WDTC1: variants seen among roughly 807,000 people sequenced by gnomAD.
WDTC1 encodes the protein WD and tetratricopeptide repeats 1.
In WDTC1, 12 loss-of-function variants were observed where a neutral mutation model predicts 76.0. The observed-to-expected ratio is 0.16, with a 90% CI of 0.10 to 0.26. The LOEUF is 0.26. Among genes scored for constraint, WDTC1 ranks in the 10% least tolerant of loss-of-function variants. The pLI is 1.00. For synonymous variants in WDTC1, 326 were observed against 350.8 expected, an observed-to-expected ratio of 0.93 and a Z score of 0.79; for missense variants, 511 against 908.8, an observed-to-expected ratio of 0.56 and a Z score of 5.63.
chr1:27,267,486 C>T (rs1278369708), intron 3 of WDTC1, among the ~76,000 whole-genome samples: 1 of 152,106 alleles, frequency 6.6e-6, no homozygotes, highest in Non-Finnish European at 1.5e-5. Flanking sequence ...TCAAGTGATC[C>T]ACTCACCTTA....
chr1:27,247,388 G>A (rs1170451169), intron 1 of WDTC1, among the ~76,000 whole-genome samples: 1 of 151,972 alleles, frequency 6.6e-6, no homozygotes, highest in Non-Finnish European at 1.5e-5. Context: ...GTAAACTCAT[G>A]TCATGGTGGT....
intron 10 of WDTC1, 55 bp downstream of exon 10, chr1:27,296,456 A>C (rs952202627): frequency 3.1e-5 from 49 of 1,573,478 alleles, no homozygotes; most frequent in Non-Finnish European, 3.8e-5. Flanking sequence ...GCTTAAGTGC[A>C]TGCTACACCT....
At chr1:27,266,632 A>C (rs891667781) in intron 3 of WDTC1, among the ~76,000 whole-genome samples, 4 of 152,234 alleles carry the variant, frequency 2.6e-5, no homozygotes, top group African/African-American at 9.6e-5. Flanking sequence ...GCCAGTCCCA[A>C]GATGGTGATT....
At chr1:27,304,100 C>G (rs971443165) in intron 14 of WDTC1, 4 of 333,298 alleles carry the variant, frequency 1.2e-5, no homozygotes, top group Non-Finnish European at 2.2e-5. Context: ...TGTGCCAGAG[C>G]TTGGTTTCTT....
intron 12 of WDTC1, among the ~76,000 whole-genome samples, chr1:27,300,709 G>T (rs868367028): frequency 5.3e-5 from 8 of 152,128 alleles, no homozygotes; most frequent in Admixed American, 1.3e-4. Flanking sequence ...GACAGGGGGG[G>T]GTCTGGCTGA....
At chr1:27,235,435 T>TGTCC (rs1553127179) in intron 1 of WDTC1, among the ~76,000 whole-genome samples, 2 of 134,892 alleles carry the variant, frequency 1.5e-5, no homozygotes, top group African/African-American at 5.5e-5. Context: ...TGTGTGTGTG[T>TGTCC]GTCCACAGCA....
chr1:27,241,048 A>G (rs1418378899), intron 1 of WDTC1, among the ~76,000 whole-genome samples: 1 of 151,998 alleles, frequency 6.6e-6, no homozygotes, highest in Non-Finnish European at 1.5e-5. Flanking sequence ...TATAGGAGGC[A>G]GTGTCAGAGG....
Position 27,306,547 on chromosome 1 carries a change from G to A in WDTC1, c.*164G>A. The A allele has an allele frequency of 1.1e-6, 1 of 885,442 alleles. No homozygotes were observed. Among genetic ancestry groups the A allele is most frequent in the Non-Finnish European group, 1.7e-6 (1 of 597,642 alleles). The allele number at this position is 885,442 out of a possible 1,614,324, so 54.8% of individuals were successfully genotyped here. A position where few individuals can be genotyped will look rare whatever the true frequency, so the allele number is the denominator to read the frequency against. ...TTAGGGGTGGAGGTTGCTACAACTT[G>A]CTGGCTTTCGGACTCTGGGCTGATT... On this transcript the variant is annotated 3_prime_UTR_variant, in exon 16 of 16. Coordinates refer to ENST00000319394, the MANE Select transcript of WDTC1 (RefSeq NM_001276252.2). The surrounding 1 kb of genome is among the most constrained non-coding windows in gnomAD (Gnocchi z 5.0).
rs192219206 is a variant in WDTC1, at chr1:27,246,517, C to G, written c.-100+11566C>G. Among the ~76,000 whole-genome samples, 214 of 151,770 alleles carry G rather than the reference C, an allele frequency of 1.4e-3. 2 individuals carry two copies. Among genetic ancestry groups the G allele is most frequent in the African/African-American group, 5.1e-3 (210 of 41,426 alleles). On this transcript the variant is annotated intron_variant, in intron 1 of 15. Transcript: ENST00000319394. ...CTAATTTGGGCTATTATGAATAATG[C>G]TGCTCTGAGTATTCATGTACAGCTT...
intron 1 of WDTC1, among the ~76,000 whole-genome samples, chr1:27,258,240 A>G (rs2012348600): frequency 6.6e-6 from 1 of 151,666 alleles, no homozygotes; most frequent in African/African-American, 2.4e-5. Flanking sequence ...TCAATTACAA[A>G]AAAAAAAAAT....
intron 1 of WDTC1, among the ~76,000 whole-genome samples, chr1:27,246,568 CT>C (rs200841889): frequency 0.021 from 2,966 of 143,792 alleles, 28 homozygotes; most frequent in East Asian, 0.026. Flanking sequence ...GTTTTCTTTC[CT>C]TTTTTTTTTT....
At chr1:27,296,539 T>C (rs2013690029) in intron 10 of WDTC1, 138 bp downstream of exon 10, 4 of 859,048 alleles carry the variant, frequency 4.7e-6, no homozygotes, top group East Asian at 2.5e-5. Context: ...ACCCCACCTA[T>C]GCAGTAAGAA....
rs2013957775 is a variant in WDTC1 at position 27,306,438 on chromosome 1, CAGG to C, written c.*59_*61del. The C allele has an allele frequency of 2.6e-6, 4 of 1,567,444 alleles. No individual in the cohort carries two copies. In the South Asian group the frequency reaches 4.5e-5, roughly 18 times the overall value. ...TACTGGCTGGACCCTCTGCCCTGGG[CAGG>C]AGGTCAGGGGATTCTGTTTTGGTTT... On this transcript the variant is annotated 3_prime_UTR_variant, in exon 16 of 16. Coordinates refer to ENST00000319394, the MANE Select transcript of WDTC1 (RefSeq NM_001276252.2). This position sits in a 1 kb window ranked among gnomAD's most constrained non-coding sequence, Gnocchi z 5.0.
At position 27,304,886 on chromosome 1, in the gene WDTC1, G is replaced by A. The variant is rs77547048; in HGVS notation, c.1644-115G>A. On this transcript the variant is annotated intron_variant, in intron 14 of 15. Coordinates refer to ENST00000319394, the MANE Select transcript of WDTC1 (RefSeq NM_001276252.2). The stretch of plus-strand genomic sequence containing the variant: ...GTCAAGTGCACACCCCAGCGTGTGG[G>A]GGACTGAGTGGCTGCAGACTTCCTT... The A allele has an allele frequency of 3.8e-4, 400 of 1,061,886 alleles. 3 individuals are homozygous for A. In the African/African-American group the frequency reaches 4.9e-3, roughly 13 times the overall value. The allele number at this position is 1,061,886 out of a possible 1,614,324, so 65.8% of individuals were successfully genotyped here. A position where few individuals can be genotyped will look rare whatever the true frequency, so the allele number is the denominator to read the frequency against.
chr1:27,287,187 A>C (rs1474080009), intron 5 of WDTC1, among the ~76,000 whole-genome samples: 3 of 151,532 alleles, frequency 2.0e-5, no homozygotes, highest in Non-Finnish European at 4.4e-5. Context: ...AAAAAAACCC[A>C]CACACACCCA....
intron 3 of WDTC1, among the ~76,000 whole-genome samples, chr1:27,273,206 C>CTTTTTTTTTTTTTTT (rs57130485): frequency 2.9e-5 from 3 of 103,668 alleles, no homozygotes; most frequent in South Asian, 3.0e-4. Context: ...TTTTTCTTTT[C>CTTTTTTTTTTTTTTT]TTTTTTTTTT....
Position 27,306,042 on chromosome 1 carries a change from C to T in WDTC1, c.1837-144C>T. 1 of 911,538 alleles carries T rather than the reference C, an allele frequency of 1.1e-6. No individual in the cohort carries two copies. Among genetic ancestry groups the T allele is most frequent in the Non-Finnish European group, 1.7e-6 (1 of 599,434 alleles). The allele number at this position is 911,538 out of a possible 1,614,324, so 56.5% of individuals were successfully genotyped here. A position where few individuals can be genotyped will look rare whatever the true frequency, so the allele number is the denominator to read the frequency against. ...GTAGCCAAGGTTGTGTGTTCCCCTC[C>T]ACCATATACACCTCCTGGCATGTAT... On this transcript the variant is annotated intron_variant, in intron 15 of 15. Coordinates refer to ENST00000319394, the MANE Select transcript of WDTC1 (RefSeq NM_001276252.2). This position sits in a 1 kb window ranked among gnomAD's most constrained non-coding sequence, Gnocchi z 5.0.
chr1:27,294,413 T>C (rs1248452585), intron 8 of WDTC1, 101 bp from the exon 9 acceptor site: 14 of 1,081,254 alleles, frequency 1.3e-5, no homozygotes, highest in Admixed American at 4.0e-5. Context: ...GCTTTTATGC[T>C]AAAGTTGATT....
intron 6 of WDTC1, among the ~76,000 whole-genome samples, chr1:27,289,713 G>C (rs899620489): frequency 2.6e-5 from 4 of 151,832 alleles, no homozygotes; most frequent in Admixed American, 1.3e-4. Context: ...CTGAGTGAAC[G>C]AGACTCCGTC....
Sources: allele counts gnomAD v4.1 joint callset (sites outside exome capture counted in the v4.1 genomes callset), GRCh38; gene constraint gnomAD v4.1.1; non-coding constraint Gnocchi (gnomAD v3.1); transcripts MANE v1.5; gene names NCBI Gene and HGNC (gene_info 2026-07-23, HGNC 2026-07-21).